The following DPYD variants were observed in gnomAD, a reference collection of about 807,000 sequenced individuals.
DPYD encodes dihydropyrimidine dehydrogenase [NADP(+)].
A neutral mutation model predicts 116.2 loss-of-function variants in DPYD; 109 were observed. The ratio of observed to expected loss-of-function variants is 0.94; its 90% CI spans 0.80 to 1.10. The LOEUF (loss-of-function observed/expected upper bound fraction) is 1.10, where lower values mean the gene tolerates loss of function less well. Ranked by LOEUF, DPYD falls within the 50% of genes least tolerant of loss-of-function variation. The pLI, the probability that DPYD is intolerant of heterozygous loss-of-function variation, is 0.00. For synonymous variants in DPYD, 440 were observed against 432.0 expected, an observed-to-expected ratio of 1.02 and a Z score of -0.23; for missense variants, 1,302 against 1,254.5, an observed-to-expected ratio of 1.04 and a Z score of -0.57.
At chr1:97,840,758 G>A (rs555039116) in intron 2 of DPYD, among the ~76,000 whole-genome samples, 2 of 152,200 alleles carry the variant, frequency 1.3e-5, no homozygotes, top group South Asian at 4.1e-4. Context: ...CCAAATTCAA[G>A]GAACAACAGC....
chr1:97,231,503 G>A (rs1294181734), intron 19 of DPYD, among the ~76,000 whole-genome samples: 1 of 152,166 alleles, frequency 6.6e-6, no homozygotes, highest in Non-Finnish European at 1.5e-5. Flanking sequence ...GAGAGCATGT[G>A]CAGGGGAACT....
At chr1:97,144,978 G>A (rs545870505) in intron 20 of DPYD, among the ~76,000 whole-genome samples, 1 of 152,270 alleles carries the variant, frequency 6.6e-6, no homozygotes, top group Admixed American at 6.5e-5. Context: ...ATGCAGAGAT[G>A]TTAGCATGGC....
At position 97,272,789 on chromosome 1, in the gene DPYD, T is replaced by A. The variant is rs558939128; in HGVS notation, c.2299+32470A>T. ...TCATATCTTTCTGATGGAACTTACATGAATGACTGCTTTAGAATATTGAAC... is the reference window on the plus strand; with the variant it reads ...TCATATCTTTCTGATGGAACTTACAAGAATGACTGCTTTAGAATATTGAAC... On this transcript the variant is annotated intron_variant, in intron 18 of 22. Coordinates refer to ENST00000370192, the MANE Select transcript of DPYD (RefSeq NM_000110.4). Among the ~76,000 whole-genome samples, 3 of 152,244 alleles carry A rather than the reference T, an allele frequency of 2.0e-5. No individual in the cohort carries two copies. In the East Asian group the frequency reaches 5.8e-4, roughly 29 times the overall value.
At chr1:97,354,690 G>A (rs1670333880) in intron 16 of DPYD, among the ~76,000 whole-genome samples, 1 of 152,098 alleles carries the variant, frequency 6.6e-6, no homozygotes, top group South Asian at 2.1e-4. Flanking sequence ...AAAAAAATCA[G>A]AACTACTTTC....
intron 20 of DPYD, among the ~76,000 whole-genome samples, chr1:97,171,452 C>G (rs961664362): frequency 6.6e-6 from 1 of 152,140 alleles, no homozygotes; most frequent in African/African-American, 2.4e-5. Context: ...GCATTAAAAA[C>G]AATGATTCTC....
chr1:97,801,321 T>C (rs2101333911), intron 3 of DPYD, among the ~76,000 whole-genome samples: 1 of 151,942 alleles, frequency 6.6e-6, no homozygotes, highest in Admixed American at 6.6e-5. Flanking sequence ...GAAGCAAATG[T>C]TCGTTGTTTA....
At chr1:97,426,328 G>T (rs879334383) in intron 14 of DPYD, among the ~76,000 whole-genome samples, 1 of 152,050 alleles carries the variant, frequency 6.6e-6, no homozygotes, top group Non-Finnish European at 1.5e-5. Flanking sequence ...TGACATGATG[G>T]CAAAAGTAAC....
intron 18 of DPYD, among the ~76,000 whole-genome samples, chr1:97,239,780 G>A (rs1190257518): frequency 6.6e-6 from 1 of 151,972 alleles, no homozygotes; most frequent in African/African-American, 2.4e-5. Flanking sequence ...GTGTGACTTT[G>A]TGAAAATTTT....
At chr1:97,834,146 G>A (rs905221553) in intron 2 of DPYD, among the ~76,000 whole-genome samples, 3 of 151,928 alleles carry the variant, frequency 2.0e-5, no homozygotes, top group African/African-American at 7.3e-5. Context: ...GAAACAAGGG[G>A]TCCAAAAGTT....
intron 16 of DPYD, among the ~76,000 whole-genome samples, chr1:97,315,892 C>A (rs575015608): frequency 6.6e-6 from 1 of 151,974 alleles, no homozygotes; most frequent in East Asian, 2.0e-4. Flanking sequence ...AAAAAGACTG[C>A]TTTTAGGGAC....
intron 2 of DPYD, among the ~76,000 whole-genome samples, chr1:97,879,419 T>A (rs1450005281): frequency 6.6e-6 from 1 of 151,972 alleles, no homozygotes; most frequent in African/African-American, 2.4e-5. Context: ...TTTTCTGATT[T>A]GTAATATTTT....
intron 19 of DPYD, among the ~76,000 whole-genome samples, chr1:97,212,357 GT>G (rs916970887): frequency 6.6e-6 from 1 of 151,988 alleles, no homozygotes; most frequent in African/African-American, 2.4e-5. Context: ...CATTTAGCAT[GT>G]TTTTATACAT....
At chr1:97,214,580 G>A (rs1006318241) in intron 19 of DPYD, among the ~76,000 whole-genome samples, 2 of 152,198 alleles carry the variant, frequency 1.3e-5, no homozygotes, top group African/African-American at 2.4e-5. Flanking sequence ...TGTTGAAGAA[G>A]CTTTCACCAG....
chr1:97,556,476 G>C (rs1412783616), intron 11 of DPYD, among the ~76,000 whole-genome samples: 3 of 143,374 alleles, frequency 2.1e-5, no homozygotes, highest in Admixed American at 6.9e-5. Flanking sequence ...TCTAGCATTA[G>C]GTATATCTCC....
intron 20 of DPYD, among the ~76,000 whole-genome samples, chr1:97,144,884 A>G (rs1654499910): frequency 1.3e-5 from 2 of 152,206 alleles, no homozygotes; most frequent in African/African-American, 4.8e-5. Context: ...AAATGGCATC[A>G]GTTCTCTCAC....
intron 14 of DPYD, among the ~76,000 whole-genome samples, chr1:97,387,928 T>C (rs999818662): frequency 2.0e-5 from 3 of 152,016 alleles, no homozygotes; most frequent in African/African-American, 7.2e-5. Context: ...GCAGAAAGGT[T>C]TAAAGGAGGG....
chr1:97,140,856 G>A lies in DPYD; in HGVS notation c.2623-42224C>T, dbSNP rs191463896. On this transcript the variant is annotated intron_variant, in intron 20 of 22. Transcript: ENST00000370192. ...CCATAGCCAAGAAGAGGAGCTTAGT[G>A]GGTTTTAAGAGAATAAAGATGTTTC... is the stretch of plus-strand genomic sequence containing the variant. 2.0e-5 allele frequency among the ~76,000 whole-genome samples: 3 copies of A among 152,270 alleles called. No homozygotes were observed. The East Asian group carries it at 5.8e-4, about 29-fold the overall frequency.
intron 14 of DPYD, among the ~76,000 whole-genome samples, chr1:97,390,267 G>A (rs1272505259): frequency 2.0e-5 from 3 of 151,980 alleles, no homozygotes; most frequent in African/African-American, 4.8e-5. Context: ...AAAGTGACGG[G>A]GGTGAACAAC....
chr1:97,487,322 G>T (rs1678694731), intron 13 of DPYD, among the ~76,000 whole-genome samples: 1 of 152,008 alleles, frequency 6.6e-6, no homozygotes, highest in South Asian at 2.1e-4. Context: ...TATATAAATG[G>T]CAAATAAGCA....
Sources: gnomAD v4.1 joint callset for allele counts (sites outside exome capture counted in the v4.1 genomes callset) on GRCh38, gnomAD v4.1.1 for gene constraint, MANE v1.5 for transcripts, NCBI Gene and HGNC (gene_info 2026-07-23, HGNC 2026-07-21) for gene names.